LSAMP: variants seen among roughly 807,000 people sequenced by gnomAD.
The protein encoded by LSAMP is limbic system-associated membrane protein.
LSAMP carries 7 observed loss-of-function variants against 38.6 expected under a neutral mutation model. That is an observed-to-expected ratio of 0.18 (90% CI 0.10 to 0.34). LSAMP has a LOEUF of 0.34. Ranked by LOEUF, LSAMP falls within the 10% of genes least tolerant of loss-of-function variation. The pLI is 1.00. For missense variants in LSAMP, 313 were observed against 420.0 expected (o/e 0.75, Z 2.23); for synonymous variants, 154 against 166.8 (o/e 0.92, Z 0.59).
At chr3:116,098,490 G>A (rs148579733) in intron 1 of LSAMP, among the ~76,000 whole-genome samples, 19 of 152,196 alleles carry the variant, frequency 1.2e-4, no homozygotes, top group East Asian at 9.7e-4. Context: ...GCAAAACTCC[G>A]TCTCAAAAAT....
intron 3 of LSAMP, among the ~76,000 whole-genome samples, chr3:115,870,756 T>G (rs747153942): frequency 1.3e-5 from 2 of 152,178 alleles, no homozygotes; most frequent in Non-Finnish European, 2.9e-5. Flanking sequence ...CTGAACTATT[T>G]CAGCATGTAT....
chr3:116,386,956 A>G (rs1309194217), intron 1 of LSAMP, among the ~76,000 whole-genome samples: 1 of 152,182 alleles, frequency 6.6e-6, no homozygotes, highest in African/African-American at 2.4e-5. Flanking sequence ...AAATAAACTC[A>G]TGGGCTAAGA....
intron 3 of LSAMP, among the ~76,000 whole-genome samples, chr3:115,954,131 G>T (rs1938379939): frequency 6.6e-6 from 1 of 151,986 alleles, no homozygotes. Flanking sequence ...ATTCCCAGTT[G>T]GTATGTTATA....
intron 3 of LSAMP, among the ~76,000 whole-genome samples, chr3:116,016,852 A>G (rs549913096): frequency 1.3e-4 from 20 of 152,252 alleles, no homozygotes; most frequent in Non-Finnish European, 2.6e-4. Flanking sequence ...ACTATTCTTC[A>G]CTTGCAGGCA....
rs1051212262 is a variant in LSAMP at position 116,212,565 on chromosome 3, A to G, written c.156-126009T>C. On this transcript the variant is annotated intron_variant, in intron 1 of 6. Transcript: ENST00000490035. ...GAGATAAAATAAAACTTCAAAAAAA[A>G]AAACTACAGAAGTAAAATTATCTTC... Among the ~76,000 whole-genome samples, 12 of 152,322 alleles carry G rather than the reference A, an allele frequency of 7.9e-5. No homozygotes were observed. The South Asian group carries it at 2.1e-3, about 26-fold the overall frequency.
intron 2 of LSAMP, among the ~76,000 whole-genome samples, chr3:116,084,693 C>A (rs902999285): frequency 3.3e-5 from 5 of 151,344 alleles, no homozygotes; most frequent in African/African-American, 1.2e-4. Flanking sequence ...TCTCTAGTGG[C>A]TTTTTAGTGA....
At chr3:116,295,810 T>G (rs1455462299) in intron 1 of LSAMP, among the ~76,000 whole-genome samples, 1 of 106,130 alleles carries the variant, frequency 9.4e-6, no homozygotes, top group Non-Finnish European at 1.9e-5. Context: ...AATAGATGCA[T>G]AAATGAGATA....
intron 1 of LSAMP, among the ~76,000 whole-genome samples, chr3:116,338,732 C>T (rs932463693): frequency 6.6e-6 from 1 of 151,986 alleles, no homozygotes; most frequent in Non-Finnish European, 1.5e-5. Context: ...TGTCATTCTC[C>T]TCTAATTCTA....
At chr3:116,260,300 T>C (rs534737537) in intron 1 of LSAMP, among the ~76,000 whole-genome samples, 21 of 152,226 alleles carry the variant, frequency 1.4e-4, no homozygotes, top group African/African-American at 4.8e-4. Flanking sequence ...AATTCTTTAA[T>C]CTCCAGGAGT....
At chr3:116,080,682 A>G (rs1707852758) in intron 2 of LSAMP, among the ~76,000 whole-genome samples, 1 of 152,238 alleles carries the variant, frequency 6.6e-6, no homozygotes, top group Non-Finnish European at 1.5e-5. Flanking sequence ...AACCTGACCT[A>G]TTAACAGCCA....
intron 2 of LSAMP, among the ~76,000 whole-genome samples, chr3:116,043,284 C>A (rs1300828185): frequency 6.6e-6 from 1 of 152,140 alleles, no homozygotes; most frequent in Non-Finnish European, 1.5e-5. Context: ...TGATTGCAGA[C>A]AAGGGTCTAA....
chr3:116,139,627 C>T (rs772642053), intron 1 of LSAMP, among the ~76,000 whole-genome samples: 3 of 151,898 alleles, frequency 2.0e-5, no homozygotes, highest in Non-Finnish European at 4.4e-5. Flanking sequence ...AGTTGTATTG[C>T]CTAAGTCTTT....
chr3:115,901,755 C>T (rs2107483927), intron 3 of LSAMP, among the ~76,000 whole-genome samples: 1 of 152,270 alleles, frequency 6.6e-6, no homozygotes, highest in Non-Finnish European at 1.5e-5. Flanking sequence ...TTTAGTTCAA[C>T]ATCTTATCTC....
intron 3 of LSAMP, among the ~76,000 whole-genome samples, chr3:115,893,897 A>G (rs148978383): frequency 7.6e-4 from 115 of 152,050 alleles, no homozygotes; most frequent in African/African-American, 2.6e-3. Flanking sequence ...CTGGGAATCA[A>G]CATGCATACT....
At chr3:116,138,079 G>A (rs944005950) in intron 1 of LSAMP, among the ~76,000 whole-genome samples, 1 of 152,084 alleles carries the variant, frequency 6.6e-6, no homozygotes, top group Non-Finnish European at 1.5e-5. Context: ...TAGTATAGTA[G>A]GTCAGTGGTA....
At chr3:116,227,683 C>T (rs944548691) in intron 1 of LSAMP, among the ~76,000 whole-genome samples, 1 of 151,764 alleles carries the variant, frequency 6.6e-6, no homozygotes, top group Non-Finnish European at 1.5e-5. Flanking sequence ...TTTTCCCTCC[C>T]CTGCCAATGT....
chr3:115,939,075 A>C (rs1937806507), intron 3 of LSAMP, among the ~76,000 whole-genome samples: 2 of 152,188 alleles, frequency 1.3e-5, no homozygotes, highest in Admixed American at 1.3e-4. Flanking sequence ...TTGACCTTAG[A>C]AACTGGTACT....
chr3:116,010,310 G>T (rs1045721570), intron 3 of LSAMP, among the ~76,000 whole-genome samples: 1 of 152,204 alleles, frequency 6.6e-6, no homozygotes, highest in African/African-American at 2.4e-5. Context: ...TGAAGACTCT[G>T]TTCTTTAAGT....
rs548321917 is a variant in LSAMP at position 115,884,374 on chromosome 3, T to C, written c.515-31757A>G. On this transcript the variant is annotated intron_variant, in intron 3 of 6. Coordinates refer to ENST00000490035, the MANE Select transcript of LSAMP (RefSeq NM_002338.5). Reference sequence around the variant, plus strand: ...GACATCATTTCTGATAGCTTTAAGATGGACAGAATTCTAAGGAAGTAATAA... The same window carrying C: ...GACATCATTTCTGATAGCTTTAAGACGGACAGAATTCTAAGGAAGTAATAA... Among the ~76,000 whole-genome samples the C allele has an allele frequency of 2.4e-4, 37 of 152,140 alleles. 1 individual carries two copies. In the South Asian group the frequency reaches 7.3e-3, roughly 30 times the overall value.
Sources: gnomAD v4.1 joint callset for allele counts (sites outside exome capture counted in the v4.1 genomes callset) on GRCh38, gnomAD v4.1.1 for gene constraint, MANE v1.5 for transcripts, NCBI Gene and HGNC (gene_info 2026-07-23, HGNC 2026-07-21) for gene names.